Variants in TMEM132D observed in about 807,000 individuals in gnomAD.
TMEM132D encodes the protein transmembrane protein 132D, also known as mature OL transmembrane protein.
Under a neutral mutation model 62.3 loss-of-function variants are expected in TMEM132D, and 21 were observed. That is an observed-to-expected ratio of 0.34 (90% CI 0.24 to 0.49). The LOEUF is 0.49. Ranked by LOEUF, TMEM132D falls within the 20% of genes least tolerant of loss-of-function variation. The probability of loss-of-function intolerance (pLI) is 0.99; values close to 1 mark genes in which losing one functional copy is unlikely to be tolerated. For missense variants in TMEM132D, 1,346 were observed against 1,402.8 expected (o/e 0.96, Z 0.65); for synonymous variants, 621 against 575.6 (o/e 1.08, Z -1.13).
intron 3 of TMEM132D, among the ~76,000 whole-genome samples, chr12:129,415,041 C>CTCCA (rs1427491954): frequency 4.6e-5 from 7 of 152,194 alleles, no homozygotes; most frequent in African/African-American, 1.4e-4. Context: ...CATGTGCACA[C>CTCCA]TCCATTCCTT....
intron 3 of TMEM132D, among the ~76,000 whole-genome samples, chr12:129,452,247 C>CA (rs748060869): frequency 1.4e-4 from 21 of 152,320 alleles, no homozygotes; most frequent in East Asian, 1.3e-3. Flanking sequence ...AAATGAATAA[C>CA]ATGCCGAACA....
chr12:129,487,028 G>GT (rs1874602043), intron 3 of TMEM132D, among the ~76,000 whole-genome samples: 1 of 109,868 alleles, frequency 9.1e-6, no homozygotes, highest in Non-Finnish European at 2.2e-5. Context: ...GAATGTTTGC[G>GT]TATGGGGGGG....
At chr12:129,707,496 G>A (rs1366799759) in intron 1 of TMEM132D, among the ~76,000 whole-genome samples, 1 of 152,090 alleles carries the variant, frequency 6.6e-6, no homozygotes, top group Non-Finnish European at 1.5e-5. Flanking sequence ...TAGAGGGGCT[G>A]TCTGGTAACT....
intron 1 of TMEM132D, among the ~76,000 whole-genome samples, chr12:129,804,319 G>A (rs1021062143): frequency 4.9e-5 from 5 of 101,836 alleles, no homozygotes; most frequent in Admixed American, 2.3e-4. Flanking sequence ...GAATCCAGCA[G>A]CACATCAAAA....
chr12:129,249,924 G>A (rs1312746309), intron 4 of TMEM132D, among the ~76,000 whole-genome samples: 2 of 152,290 alleles, frequency 1.3e-5, no homozygotes, highest in African/African-American at 4.8e-5. Context: ...AGGAACAGCA[G>A]GCCCCGTGAC....
At chr12:129,343,002 G>T (rs981603721) in intron 3 of TMEM132D, among the ~76,000 whole-genome samples, 2 of 152,184 alleles carry the variant, frequency 1.3e-5, no homozygotes, top group Admixed American at 6.5e-5. Flanking sequence ...TTCAACCATT[G>T]TGGAAGTCAG....
In TMEM132D at chr12:129,625,860, T is replaced by C. The variant is rs575468243; in HGVS notation, c.968+73950A>G. On this transcript the variant is annotated intron_variant, in intron 2 of 8. Transcript: ENST00000422113. The stretch of plus-strand genomic sequence containing the variant: ...AGGGGGTATGTGTAAAGTCTCAATT[T>C]AGGATGTTTACTGTTGATGGCTGCT... Among the ~76,000 whole-genome samples, 5 of 152,308 alleles carry C rather than the reference T, an allele frequency of 3.3e-5. No homozygotes were observed. The South Asian group carries it at 8.3e-4, about 25-fold the overall frequency.
intron 2 of TMEM132D, among the ~76,000 whole-genome samples, chr12:129,611,130 T>C (rs1214542179): frequency 6.6e-6 from 1 of 152,200 alleles, no homozygotes; most frequent in Non-Finnish European, 1.5e-5. Flanking sequence ...CCCTTCTTTA[T>C]TTTTATTTTT....
rs541631318 is a variant in TMEM132D, at chr12:129,203,116, G to A, written c.1443+6404C>T. 7.8e-4 allele frequency among the ~76,000 whole-genome samples: 119 copies of A among 152,218 alleles called. 2 individuals carry two copies. Among genetic ancestry groups the A allele is most frequent in the South Asian group, 3.7e-3 (18 of 4,816 alleles). Reference sequence around the variant, plus strand: ...CACTGTACCTGCTTTTGTATCAATCGCTGAGTGTCAGCCAACTACAGGTAG... The same window carrying A: ...CACTGTACCTGCTTTTGTATCAATCACTGAGTGTCAGCCAACTACAGGTAG... On this transcript the variant is annotated intron_variant, in intron 5 of 8. Coordinates refer to ENST00000422113, the MANE Select transcript of TMEM132D (RefSeq NM_133448.3).
intron 3 of TMEM132D, among the ~76,000 whole-genome samples, chr12:129,366,597 T>C (rs1021166500): frequency 1.3e-5 from 2 of 152,178 alleles, no homozygotes; most frequent in African/African-American, 4.8e-5. Flanking sequence ...TCTTTCTTTA[T>C]AGGAATGCAA....
intron 1 of TMEM132D, among the ~76,000 whole-genome samples, chr12:129,855,435 G>C (rs71466435): frequency 1.6e-4 from 3 of 18,780 alleles, no homozygotes; most frequent in African/African-American, 6.2e-4. Flanking sequence ...AACGGGATGG[G>C]TGCCCTTATA....
In TMEM132D at chr12:129,368,407, A is replaced by G. The variant is rs11060282; in HGVS notation, c.1116-30590T>C. ...TTGAGCTTATAAACTGTGTCCTATA[A>G]CCACGTCTTTTGCATTACCATTCTG... is the stretch of plus-strand genomic sequence containing the variant. On this transcript the variant is annotated intron_variant, in intron 3 of 8. Coordinates refer to ENST00000422113, the MANE Select transcript of TMEM132D (RefSeq NM_133448.3). Among the ~76,000 whole-genome samples, 1,684 of 152,240 alleles carry G rather than the reference A, an allele frequency of 0.011. 78 individuals are homozygous for G. The East Asian group carries it at 0.12, about 11-fold the overall frequency.
At chr12:129,635,597 G>A (rs1300947860) in intron 2 of TMEM132D, among the ~76,000 whole-genome samples, 1 of 152,196 alleles carries the variant, frequency 6.6e-6, no homozygotes, top group Admixed American at 6.5e-5. Context: ...CCAGCGCTCA[G>A]GGGACTTGTG....
At chr12:129,896,103 G>A (rs1013307981) in intron 1 of TMEM132D, among the ~76,000 whole-genome samples, 1 of 151,648 alleles carries the variant, frequency 6.6e-6, no homozygotes, top group Non-Finnish European at 1.5e-5. Flanking sequence ...CAGAGTAGCT[G>A]GGACAACAGG....
intron 5 of TMEM132D, among the ~76,000 whole-genome samples, chr12:129,100,450 T>G (rs1875264194): frequency 6.6e-6 from 1 of 152,204 alleles, no homozygotes; most frequent in Non-Finnish European, 1.5e-5. Flanking sequence ...CTCATGGTGA[T>G]CTGAGGTCAG....
At chr12:129,100,836 A>G (rs1875281631) in intron 5 of TMEM132D, among the ~76,000 whole-genome samples, 1 of 152,224 alleles carries the variant, frequency 6.6e-6, no homozygotes, top group South Asian at 2.1e-4. Flanking sequence ...TCAATTTACA[A>G]CTAAACCTAA....
intron 1 of TMEM132D, among the ~76,000 whole-genome samples, chr12:129,817,532 C>T (rs922162506): frequency 1.3e-5 from 2 of 152,104 alleles, no homozygotes; most frequent in African/African-American, 2.4e-5. Context: ...AGTCTGAGAA[C>T]CCAAAGCCAC....
intron 1 of TMEM132D, among the ~76,000 whole-genome samples, chr12:129,839,519 T>C (rs973535730): frequency 2.0e-5 from 3 of 152,030 alleles, no homozygotes; most frequent in Non-Finnish European, 4.4e-5. Context: ...TGCCTCAGCC[T>C]CCCAAAGTGC....
rs941625311 is a variant in TMEM132D at position 129,588,862 on chromosome 12, A to G, written c.969-57657T>C. Among the ~76,000 whole-genome samples the G allele has an allele frequency of 2.6e-5, 4 of 151,342 alleles. No homozygotes were observed. In the South Asian group the frequency reaches 8.3e-4, roughly 32 times the overall value. On this transcript the variant is annotated intron_variant, in intron 2 of 8. Coordinates refer to ENST00000422113, the MANE Select transcript of TMEM132D (RefSeq NM_133448.3). Reference sequence around the variant, plus strand: ...ATATTAATTATTTGCTTCTGGAATCATACCCCAAAATGGAAAGTAGCAACA... The same window carrying G: ...ATATTAATTATTTGCTTCTGGAATCGTACCCCAAAATGGAAAGTAGCAACA...
Sources: allele counts gnomAD v4.1 joint callset (sites outside exome capture counted in the v4.1 genomes callset), GRCh38; gene constraint gnomAD v4.1.1; transcripts MANE v1.5; gene names NCBI Gene and HGNC (gene_info 2026-07-23, HGNC 2026-07-21).